The following NIN variants were observed in gnomAD, a reference collection of about 807,000 sequenced individuals.
The protein encoded by NIN is glycogen synthase kinase 3 beta-interacting protein.
NIN carries 137 observed loss-of-function variants against 257.6 expected under a neutral mutation model. The ratio of observed to expected loss-of-function variants is 0.53; its 90% CI spans 0.46 to 0.61. The LOEUF (loss-of-function observed/expected upper bound fraction) is 0.61. Among genes scored for constraint, NIN ranks in the 20% least tolerant of loss-of-function variants. The pLI is 0.00. For missense variants in NIN, 2,439 were observed against 2,501.2 expected, an observed-to-expected ratio of 0.98 and a Z score of 0.53; for synonymous variants, 918 against 919.8, an observed-to-expected ratio of 1.00 and a Z score of 0.04.
rs1162897501 is a variant in NIN at position 50,721,600 on chromosome 14, CACTT to C, written c.*1859_*1862del. The stretch of plus-strand genomic sequence containing the variant: ...AGCTAATGCCATACAAGTAGTCAAA[CACTT>C]ACTAGAAATGTCTGCACCACAGAAG... On this transcript the variant is annotated 3_prime_UTR_variant, in exon 31 of 31. Transcript: ENST00000530997. The C allele has an allele frequency of 1.4e-5, 3 of 217,530 alleles. No homozygotes were observed. The highest frequency in any genetic ancestry group is 2.3e-5 in the African/African-American group (1 of 44,442). The allele number at this position is 217,530 out of a possible 1,614,324, so 13.5% of individuals were successfully genotyped here.
At chr14:50,783,476 T>A (rs996192779) in intron 5 of NIN, among the ~76,000 whole-genome samples, 1 of 152,208 alleles carries the variant, frequency 6.6e-6, no homozygotes, top group African/African-American at 2.4e-5. Flanking sequence ...AGCAGGCTTA[T>A]GCTAATGGCT....
Position 50,723,124 on chromosome 14 carries a change from A to G in NIN, c.*339T>C, listed in dbSNP as rs2040301581. 2 of 241,576 alleles carry G rather than the reference A, an allele frequency of 8.3e-6. No homozygotes were observed. Among genetic ancestry groups the G allele is most frequent in the Non-Finnish European group, 1.6e-5 (2 of 125,286 alleles). 15.0% of individuals were successfully genotyped at this position (241,576 alleles called of 1,614,324 possible). ...CAAACTTCAAATATCTAGATTTTACACATAGATTTGTAATAATTAAAAAAA... is the reference window on the plus strand; with the variant it reads ...CAAACTTCAAATATCTAGATTTTACGCATAGATTTGTAATAATTAAAAAAA... On this transcript the variant is annotated 3_prime_UTR_variant, in exon 31 of 31. Coordinates refer to ENST00000530997, the MANE Select transcript of NIN (RefSeq NM_020921.4).
intron 4 of NIN, among the ~76,000 whole-genome samples, chr14:50,796,743 C>T (rs1439503017): frequency 6.6e-6 from 1 of 152,192 alleles, no homozygotes; most frequent in African/African-American, 2.4e-5. Context: ...CCGCCTCATT[C>T]CTCTCCCAGT....
At chr14:50,774,380 T>C (rs546712600) in intron 7 of NIN, among the ~76,000 whole-genome samples, 29 of 152,310 alleles carry the variant, frequency 1.9e-4, no homozygotes, top group Non-Finnish European at 4.0e-4. Flanking sequence ...CCCCAATTCA[T>C]ACCCAACAGG....
Position 50,723,579 on chromosome 14 carries a change from G to C in NIN, c.6286C>G (p.Gln2096Glu). The change falls in exon 31 of 31, where the codon CAG becomes GAG. Residue 2096 changes from glutamine (Q) to glutamate (E), a missense_variant. Gln to Glu is a conservative substitution (Grantham distance 29). Around this residue, in one of 3 missense-constraint regions of NIN, gnomAD observed 2,043 missense variants for 2,050.2 expected, o/e 1.00. Transcript: ENST00000530997. ...TAATTTTTCTTCTCTGCTGTTTTCT[G>C]TCGCTGTTCAGTCACTTCCAGAGCT... Reference protein sequence around the residue: ...LKALEVTEQRQKTAEKKNYLL... With the variant: ...LKALEVTEQREKTAEKKNYLL... 1.2e-6 allele frequency: 2 copies of C among 1,613,872 alleles called. No homozygotes were observed. Among genetic ancestry groups the C allele is most frequent in the Non-Finnish European group, 1.7e-6 (2 of 1,179,844 alleles).
At chr14:50,725,715 T>G in intron 30 of NIN, 1 of 628,738 alleles carries the variant, frequency 1.6e-6, no homozygotes, top group East Asian at 2.8e-5. Flanking sequence ...TAGCAAAGAT[T>G]TACACTTTTA....
In NIN at chr14:50,760,274, T is replaced by C; in HGVS notation, c.1982A>G (p.Glu661Gly). The change falls in exon 17 of 31, where the codon GAA (glutamate) becomes GGA (glycine). Residue 661 changes from glutamate (E) to glycine (G), a missense_variant. Glu to Gly is a moderately conservative substitution (Grantham distance 98). Around this residue, in one of 3 missense-constraint regions of NIN, gnomAD observed 2,043 missense variants for 2,050.2 expected, o/e 1.00. Coordinates refer to ENST00000530997, the MANE Select transcript of NIN (RefSeq NM_020921.4). ...TATTTGTTTTTCTAAGGTGTGCGTT[T>C]CGTTCTCATGCCTTTGCTTCATGTT... Reference protein sequence around the residue: ...QENMKQRHENETHTLEKQISD... With the variant: ...QENMKQRHENGTHTLEKQISD... 6.2e-7 allele frequency: 1 copy of C among 1,610,490 alleles called. No individual in the cohort carries two copies.
At chr14:50,780,259 T>G (rs2043081083) in intron 5 of NIN, among the ~76,000 whole-genome samples, 1 of 152,212 alleles carries the variant, frequency 6.6e-6, no homozygotes, top group Admixed American at 6.5e-5. Flanking sequence ...TGAATCGCCC[T>G]TTCCAAACGG....
At chr14:50,730,431 G>A (rs542321245) in intron 28 of NIN, among the ~76,000 whole-genome samples, 128 of 152,272 alleles carry the variant, frequency 8.4e-4, no homozygotes, top group African/African-American at 3.0e-3. Flanking sequence ...AGTGAGGCAG[G>A]CCACCTCACA....
chr14:50,802,875 C>T (rs73297399), intron 4 of NIN, among the ~76,000 whole-genome samples: 28 of 152,274 alleles, frequency 1.8e-4, no homozygotes, highest in African/African-American at 6.7e-4. Context: ...TAGTCTGGTG[C>T]AATATCTTAT....
chr14:50,748,370 T>TACTG lies in NIN; in HGVS notation c.4951-266_4951-265insCAGT, dbSNP rs552746442. On this transcript the variant is annotated intron_variant, in intron 21 of 30. Coordinates refer to ENST00000530997, the MANE Select transcript of NIN (RefSeq NM_020921.4). Reference sequence around the variant, plus strand: ...TATGACAAACCCACAGCCAGTATCATAATGGGCAAAAGCTGGAAGCATTCC... The same window carrying TACTG: ...TATGACAAACCCACAGCCAGTATCATACTGAATGGGCAAAAGCTGGAAGCATTCC... Among the ~76,000 whole-genome samples the TACTG allele has an allele frequency of 2.7e-3, 413 of 152,246 alleles. 3 individuals are homozygous for TACTG. The highest frequency in any genetic ancestry group is 4.3e-3 in the Non-Finnish European group (295 of 68,002).
At chr14:50,816,028 C>A (rs1413278778) in intron 3 of NIN, among the ~76,000 whole-genome samples, 3 of 152,226 alleles carry the variant, frequency 2.0e-5, no homozygotes, top group African/African-American at 7.2e-5. Flanking sequence ...ACAAAATGAA[C>A]AAAATCATGT....
Position 50,757,121 on chromosome 14 carries a change from T to A in NIN, c.3909A>T (p.Thr1303=). ...CGTAACTCTTTTCCAGGCTGAGGAA[T>A]GTTTCAGTGACTTCCTCCATTTTCT... ...ELKKMEEVTE[T]FLSLEKSYDE... Residue 1303 remains threonine (T), a synonymous_variant, in exon 18 of 31, where the codon ACA becomes ACT. Transcript: ENST00000530997. The A allele has an allele frequency of 6.2e-7, 1 of 1,612,704 alleles. No homozygotes were observed.
intron 15 of NIN, 90 bp downstream of exon 15, chr14:50,763,736 A>T (rs2042364844): frequency 1.8e-6 from 2 of 1,124,038 alleles, no homozygotes; most frequent in Non-Finnish European, 2.5e-6. Flanking sequence ...TTCTTTTTTC[A>T]AGTTGCCAAA....
At chr14:50,735,419 A>T in intron 28 of NIN, 97 bp downstream of exon 28, 1 of 1,461,016 alleles carries the variant, frequency 6.8e-7, no homozygotes, top group Non-Finnish European at 9.1e-7. Context: ...GATTTTCACA[A>T]CGGGAATTCA....
Position 50,770,884 on chromosome 14 carries a change from C to T in NIN, c.1227G>A (p.Ala409=), listed in dbSNP as rs778500731. The change falls in exon 11 of 31, where the codon GCG becomes GCA. Residue 409 remains alanine (A), a synonymous_variant. Coordinates refer to ENST00000530997, the MANE Select transcript of NIN (RefSeq NM_020921.4). ...TGTACTCATTCCGCCGCTCTATGGCCGCATGGTGATCATCCACCTCCGAGG... is the reference window on the plus strand; with the variant it reads ...TGTACTCATTCCGCCGCTCTATGGCTGCATGGTGATCATCCACCTCCGAGG... ...LMASEVDDHH[A]AIERRNEYNL... The T allele has an allele frequency of 3.5e-5, 56 of 1,613,962 alleles. 2 individuals are homozygous for T. The highest frequency in any genetic ancestry group is 1.3e-4 in the South Asian group (12 of 91,060).
At chr14:50,736,207 ACTGCAACCTGCGCTTCCCAGG>A (rs2040969527) in intron 27 of NIN, among the ~76,000 whole-genome samples, 1 of 151,804 alleles carries the variant, frequency 6.6e-6, no homozygotes, top group Non-Finnish European at 1.5e-5. Flanking sequence ...GTCTCAGCTC[ACTGCAACCTGCGCTTCCCAGG>A]TTCAAGCGAT....
intron 12 of NIN, among the ~76,000 whole-genome samples, chr14:50,768,154 T>G (rs1337636960): frequency 1.3e-5 from 2 of 151,662 alleles, no homozygotes; most frequent in East Asian, 3.9e-4. Flanking sequence ...TGGAAGAACA[T>G]CATTTTCTAA....
intron 2 of NIN, among the ~76,000 whole-genome samples, chr14:50,827,967 C>T (rs1427168666): frequency 1.4e-5 from 2 of 138,642 alleles, no homozygotes; most frequent in Non-Finnish European, 3.1e-5. Flanking sequence ...AGGTTAGCTA[C>T]AGGAAAAAAA....
Sources: gnomAD v4.1 joint callset for allele counts (sites outside exome capture counted in the v4.1 genomes callset) on GRCh38, gnomAD v4.1.1 for gene constraint, gnomAD v4.1.1 regional missense constraint, MANE v1.5 for transcripts, NCBI Gene and HGNC (gene_info 2026-07-23, HGNC 2026-07-21) for gene names.